TNN: variants seen among roughly 807,000 people sequenced by gnomAD.
TNN encodes tenascin N.
Under a neutral mutation model 134.4 loss-of-function variants are expected in TNN, and 122 were observed. The observed-to-expected ratio is 0.91, with a 90% CI of 0.78 to 1.06. TNN has a LOEUF of 1.06. Ranked by LOEUF, TNN falls within the 50% of genes least tolerant of loss-of-function variation. TNN has a pLI of 0.00. For missense variants in TNN, 1,739 were observed against 1,699.4 expected, an observed-to-expected ratio of 1.02 and a Z score of -0.41; for synonymous variants, 710 against 670.3, an observed-to-expected ratio of 1.06 and a Z score of -0.91.
rs1235410199 is a variant in TNN, at chr1:175,098,386, CG to C, written c.1912del (p.Val638SerfsTer38). 6.2e-7 allele frequency: 1 copy of C among 1,614,090 alleles called. No homozygotes were observed. The highest frequency in any genetic ancestry group is 8.5e-7 in the Non-Finnish European group (1 of 1,180,048). On this transcript the variant is annotated frameshift_variant, in exon 9 of 19. Transcript: ENST00000239462. LOFTEE classifies it high-confidence loss of function. ...VTDRVTENMA[T>X]VSWDPVQAAI... is the part of the protein sequence containing the mutation. ...GACCGGGTGACAGAGAATATGGCCA[CG>C]GTCTCCTGGGACCCGGTGCAGGCCG...
chr1:175,077,461 C>A lies in TNN; in HGVS notation c.43C>A (p.Leu15Ile). 1.2e-6 allele frequency: 2 copies of A among 1,613,882 alleles called. No homozygotes were observed. The highest frequency in any genetic ancestry group is 2.2e-5 in the East Asian group (1 of 44,876). ...EMFRFPMGLLLGSVLLVASAP... is the reference protein window; with the variant it reads ...EMFRFPMGLLIGSVLLVASAP... Reference sequence around the variant, plus strand: ...GTTCCGCTTCCCTATGGGGCTCCTGCTTGGCTCTGTGCTCCTGGTGGCTTC... The same window carrying A: ...GTTCCGCTTCCCTATGGGGCTCCTGATTGGCTCTGTGCTCCTGGTGGCTTC... Residue 15 changes from leucine to isoleucine, a missense_variant, in exon 2 of 19, where the codon CTT (leucine) becomes ATT (isoleucine). Coordinates refer to ENST00000239462, the MANE Select transcript of TNN (RefSeq NM_022093.2).
At chr1:175,128,540 C>T (rs1187609287) in intron 14 of TNN, 55 bp from the exon 15 acceptor site, 6 of 1,513,786 alleles carry the variant, frequency 4.0e-6, no homozygotes, top group South Asian at 2.6e-5. Context: ...GAAGAAACTC[C>T]ACCTCTTTCC....
At position 175,080,168 on chromosome 1, in the gene TNN, A is replaced by G. The variant is rs1270148095; in HGVS notation, c.790A>G (p.Thr264Ala). 1 of 1,613,526 alleles carries G rather than the reference A, an allele frequency of 6.2e-7. No homozygotes were observed. Among genetic ancestry groups the G allele is most frequent in the Admixed American group, 1.7e-5 (1 of 60,000 alleles). ...TGTTCCTGTTCTGCCTGCAGTGGTCACCCCACAGGGCCTGCAGCTGCTCAA... is the reference window on the plus strand; with the variant it reads ...TGTTCCTGTTCTGCCTGCAGTGGTCGCCCCACAGGGCCTGCAGCTGCTCAA... Reference protein sequence around the residue: ...FTGLDCAQVVTPQGLQLLKNT... With the variant: ...FTGLDCAQVVAPQGLQLLKNT... Residue 264 changes from threonine (T) to alanine (A), a missense_variant, in exon 4 of 19, where the codon ACC becomes GCC. Coordinates refer to ENST00000239462, the MANE Select transcript of TNN (RefSeq NM_022093.2).
At position 175,136,879 on chromosome 1, in the gene TNN, G is replaced by C. The variant is rs779294812; in HGVS notation, c.3486G>C (p.Val1162=). 2 of 1,614,134 alleles carry C rather than the reference G, an allele frequency of 1.2e-6. No individual in the cohort carries two copies. Among genetic ancestry groups the C allele is most frequent in the South Asian group, 2.2e-5 (2 of 91,080 alleles). Residue 1162 remains valine, a synonymous_variant, in exon 17 of 19, where the codon GTG becomes GTC. Transcript: ENST00000239462. Reference sequence around the variant, plus strand: ...CTCCAGCGCGGTATGAGGTGAGAGTGGATTTACAGACTGCCAATGAATCTG... The same window carrying C: ...CTCCAGCGCGGTATGAGGTGAGAGTCGATTTACAGACTGCCAATGAATCTG... ...TGTPARYEVR[V]DLQTANESAY...
chr1:175,138,752 G>A (rs556161491), intron 17 of TNN, among the ~76,000 whole-genome samples: 28 of 152,306 alleles, frequency 1.8e-4, no homozygotes, highest in African/African-American at 6.5e-4. Context: ...ATTGCTTAAC[G>A]ACAGGGATAC....
Position 175,095,664 on chromosome 1 carries a change from C to T in TNN, c.1588+1411C>T, listed in dbSNP as rs146973688. ...TCTGGGCTCACTGCAACCTCCATCT[C>T]CCGGGTTCAAGCGATTCTCCTGCCT... On this transcript the variant is annotated intron_variant, in intron 7 of 18. Transcript: ENST00000239462. Among the ~76,000 whole-genome samples the T allele has an allele frequency of 6.3e-3, 957 of 152,312 alleles. 13 individuals are homozygous for T. Among genetic ancestry groups the T allele is most frequent in the African/African-American group, 0.022 (910 of 41,562 alleles).
rs76471061 is a variant in TNN at position 175,085,353 on chromosome 1, G to C, written c.1235-52G>C. ...AATCCCAGGGAGGAGTAGTGCTGGG[G>C]AGAGGGGTCTGGAGCCTGCACTCAC... is the stretch of plus-strand genomic sequence containing the variant. On this transcript the variant is annotated intron_variant, in intron 5 of 18. Coordinates refer to ENST00000239462, the MANE Select transcript of TNN (RefSeq NM_022093.2). 5,001 of 1,134,630 alleles carry C rather than the reference G, an allele frequency of 4.4e-3. 156 individuals are homozygous for C. The African/African-American group carries it at 0.068, about 15-fold the overall frequency. 70.3% of individuals were successfully genotyped at this position (1,134,630 alleles called of 1,614,324 possible).
rs909306761 is a variant in TNN, at chr1:175,118,760, G to A, written c.2586G>A (p.Thr862=). Residue 862 remains threonine (T), a synonymous_variant, in exon 11 of 19, where the codon ACG becomes ACA. Coordinates refer to ENST00000239462, the MANE Select transcript of TNN (RefSeq NM_022093.2). The part of the protein sequence containing the change: ...LTGLRPGMEY[T]VHVWAQKGNQ... ...GCCTGAGGCCGGGCATGGAGTACACGGTGCACGTGTGGGCCCAGAAGGGGA... is the reference window on the plus strand; with the variant it reads ...GCCTGAGGCCGGGCATGGAGTACACAGTGCACGTGTGGGCCCAGAAGGGGA... 2.5e-6 allele frequency: 4 copies of A among 1,614,188 alleles called. No individual in the cohort carries two copies. The highest frequency in any genetic ancestry group is 2.7e-5 in the African/African-American group (2 of 75,048).
intron 15 of TNN, among the ~76,000 whole-genome samples, chr1:175,132,210 C>T (rs908324123): frequency 2.0e-5 from 3 of 152,124 alleles, no homozygotes; most frequent in Admixed American, 6.5e-5. Context: ...TTAGCAAGTT[C>T]TCAGAGTCTT....
chr1:175,101,221 G>C (rs1255064216), intron 9 of TNN, among the ~76,000 whole-genome samples: 5 of 152,034 alleles, frequency 3.3e-5, no homozygotes, highest in Non-Finnish European at 5.9e-5. Context: ...TCTTCCTTCT[G>C]GTGGGTTCGT....
At chr1:175,138,375 G>A (rs544889509) in intron 17 of TNN, among the ~76,000 whole-genome samples, 1 of 152,182 alleles carries the variant, frequency 6.6e-6, no homozygotes, top group African/African-American at 2.4e-5. Flanking sequence ...ATAATCTTAG[G>A]GATGTTTAGT....
intron 17 of TNN, among the ~76,000 whole-genome samples, chr1:175,141,885 T>A (rs1410604570): frequency 6.6e-6 from 1 of 152,122 alleles, no homozygotes; most frequent in East Asian, 1.9e-4. Flanking sequence ...AGGTAGAAAA[T>A]CCTTCTGCAG....
At chr1:175,078,917 T>C (rs184875848) in intron 2 of TNN, among the ~76,000 whole-genome samples, 243 of 152,226 alleles carry the variant, frequency 1.6e-3, no homozygotes, top group African/African-American at 5.6e-3. Flanking sequence ...GGATCTCACT[T>C]TCCCCCCAGG....
intron 7 of TNN, among the ~76,000 whole-genome samples, chr1:175,096,429 G>T (rs1414299779): frequency 6.6e-6 from 1 of 152,174 alleles, no homozygotes; most frequent in Non-Finnish European, 1.5e-5. Flanking sequence ...GCTGAACTTT[G>T]CTCCCTAGGG....
At chr1:175,070,146 G>A (rs1673883090) in intron 1 of TNN, among the ~76,000 whole-genome samples, 1 of 152,222 alleles carries the variant, frequency 6.6e-6, no homozygotes, top group African/African-American at 2.4e-5. Context: ...AGTTCTTGCT[G>A]TGAGAAAGTG....
rs1229316425 is a variant in TNN, at chr1:175,097,606, G to T, written c.1778G>T (p.Gly593Val). Reference sequence around the variant, plus strand: ...ACTGTCCTGACAGGCCTGAGGCCAGGTGTGGAGTACACAGTGCATGTCTGG... The same window carrying T: ...ACTGTCCTGACAGGCCTGAGGCCAGTTGTGGAGTACACAGTGCATGTCTGG... Reference protein sequence around the residue: ...SSTVLTGLRPGVEYTVHVWAQ... With the variant: ...SSTVLTGLRPVVEYTVHVWAQ... Residue 593 changes from glycine to valine, a missense_variant, in exon 8 of 19, where the codon GGT becomes GTT. Physicochemically the swap from Gly to Val is moderately radical, Grantham distance 109 (BLOSUM62 -3). Coordinates refer to ENST00000239462, the MANE Select transcript of TNN (RefSeq NM_022093.2). The T allele has an allele frequency of 1.2e-6, 2 of 1,614,124 alleles. No individual in the cohort carries two copies. The highest frequency in any genetic ancestry group is 1.7e-6 in the Non-Finnish European group (2 of 1,180,060).
intron 10 of TNN, among the ~76,000 whole-genome samples, chr1:175,117,494 T>C (rs1675217267): frequency 6.6e-6 from 1 of 152,184 alleles, no homozygotes; most frequent in African/African-American, 2.4e-5. Flanking sequence ...GGTCTCTTAG[T>C]GAGTTTGTGA....
At chr1:175,123,173 C>CAGA (rs1675420460) in intron 11 of TNN, among the ~76,000 whole-genome samples, 1 of 152,096 alleles carries the variant, frequency 6.6e-6, no homozygotes, top group South Asian at 2.1e-4. Context: ...ATTACAAGGA[C>CAGA]AGAAATTTTT....
At position 175,085,472 on chromosome 1, in the gene TNN, G is replaced by T. The variant is rs770001262; in HGVS notation, c.1302G>T (p.Pro434=). The change falls in exon 6 of 19, where the codon CCG becomes CCT. Residue 434 remains proline, a synonymous_variant. Transcript: ENST00000239462. ...TGAGAGGAGAGCTGGAGGGCAAGCC[G>T]ATCCTCCTGAATGGCAGGACAGGTG... is the stretch of plus-strand genomic sequence containing the variant. The part of the protein sequence containing the change: ...VPMRGELEGK[P]ILLNGRTEID... The T allele has an allele frequency of 6.2e-7, 1 of 1,612,364 alleles. No individual in the cohort carries two copies. The highest frequency in any genetic ancestry group is 8.5e-7 in the Non-Finnish European group (1 of 1,178,780).
Sources: allele counts gnomAD v4.1 joint callset (sites outside exome capture counted in the v4.1 genomes callset), GRCh38; gene constraint gnomAD v4.1.1; transcripts MANE v1.5; gene names NCBI Gene and HGNC (gene_info 2026-07-23, HGNC 2026-07-21).